The following RBFOX1 variants were observed in gnomAD, a reference collection of about 807,000 sequenced individuals.
RBFOX1 encodes RNA binding protein fox-1 homolog 1.
RBFOX1 carries 8 observed loss-of-function variants against 57.7 expected under a neutral mutation model. The observed-to-expected ratio is 0.14, with a 90% confidence interval of 0.08 to 0.25. RBFOX1 has a LOEUF of 0.25. Among genes scored for constraint, RBFOX1 ranks in the 10% least tolerant of loss-of-function variants. The pLI is 1.00. For synonymous variants in RBFOX1, 326 were observed against 222.4 expected (o/e 1.47, Z -4.15); for missense variants, 611 against 548.5 (o/e 1.11, Z -1.14).
chr16:7,277,808 A>T (rs536035564), intron 4 of RBFOX1, among the ~76,000 whole-genome samples: 1 of 152,348 alleles, frequency 6.6e-6, no homozygotes, highest in South Asian at 2.1e-4. Context: ...AAATGAAATT[A>T]GCATATTAGT....
At chr16:7,685,922 G>T (rs538143287) in intron 14 of RBFOX1, among the ~76,000 whole-genome samples, 22 of 152,182 alleles carry the variant, frequency 1.4e-4, no homozygotes, top group African/African-American at 5.1e-4. Context: ...ATTACAGATT[G>T]AGATTTACAC....
At chr16:5,691,045 G>A (rs1264771867) in intron 3 of RBFOX1, among the ~76,000 whole-genome samples, 1 of 152,150 alleles carries the variant, frequency 6.6e-6, no homozygotes, top group Non-Finnish European at 1.5e-5. Context: ...GTGACACAGA[G>A]ATGGAAATAA....
At chr16:5,498,608 G>A (rs572194805) in intron 2 of RBFOX1, among the ~76,000 whole-genome samples, 1 of 152,348 alleles carries the variant, frequency 6.6e-6, no homozygotes, top group Non-Finnish European at 1.5e-5. Context: ...GGCTGTGGCT[G>A]TTGTTTAGGC....
chr16:6,293,070 C>A (rs2077639951), intron 1 of RBFOX1, among the ~76,000 whole-genome samples: 1 of 152,078 alleles, frequency 6.6e-6, no homozygotes, highest in African/African-American at 2.4e-5. Context: ...TTATCTACTC[C>A]TCATAGCCAC....
chr16:6,805,871 C>A (rs1004708972), intron 3 of RBFOX1, among the ~76,000 whole-genome samples: 2 of 152,198 alleles, frequency 1.3e-5, no homozygotes, highest in African/African-American at 2.4e-5. Flanking sequence ...TTGGCTCTTT[C>A]CAACACGAAT....
At chr16:6,742,530 T>C (rs1047526913) in intron 3 of RBFOX1, among the ~76,000 whole-genome samples, 2 of 152,156 alleles carry the variant, frequency 1.3e-5, no homozygotes, top group African/African-American at 2.4e-5. Context: ...CAGAAAGCTA[T>C]ACACAATTAT....
At chr16:7,402,594 G>C (rs1208921245) in intron 4 of RBFOX1, among the ~76,000 whole-genome samples, 1 of 152,156 alleles carries the variant, frequency 6.6e-6, no homozygotes, top group African/African-American at 2.4e-5. Flanking sequence ...TTGGTTTCCA[G>C]ATCCTTATGC....
At chr16:5,683,429 G>T (rs2050406418) in intron 3 of RBFOX1, among the ~76,000 whole-genome samples, 1 of 151,934 alleles carries the variant, frequency 6.6e-6, no homozygotes, top group South Asian at 2.1e-4. Context: ...TGTCTCTGTG[G>T]GTGTCGCCAA....
rs150451424 is a variant in RBFOX1 at position 6,947,482 on chromosome 16, G to T, written c.-15-104575G>T. 6.7e-3 allele frequency among the ~76,000 whole-genome samples: 1,019 copies of T among 152,300 alleles called. 4 individuals carry two copies. The highest frequency in any genetic ancestry group is 0.011 in the Non-Finnish European group (725 of 68,038). ...GCTGAGAACATATGTTCTTGGGAAG[G>T]ATGTAGGAACACCCTGAAATAGAGC... On this transcript the variant is annotated intron_variant, in intron 3 of 15. Coordinates refer to ENST00000550418, the MANE Select transcript of RBFOX1 (RefSeq NM_018723.4).
At chr16:5,729,884 G>A (rs972991953) in intron 3 of RBFOX1, among the ~76,000 whole-genome samples, 2 of 152,162 alleles carry the variant, frequency 1.3e-5, no homozygotes, top group Non-Finnish European at 2.9e-5. Context: ...TCCTAGCCCC[G>A]AGAGCTGCAT....
chr16:7,661,709 A>G (rs1344097959), intron 12 of RBFOX1, among the ~76,000 whole-genome samples: 1 of 152,210 alleles, frequency 6.6e-6, no homozygotes, highest in African/African-American at 2.4e-5. Context: ...GCCTTCGCAT[A>G]GTAGTTGGGG....
At chr16:6,676,731 C>T (rs187174824) in intron 3 of RBFOX1, among the ~76,000 whole-genome samples, 2 of 143,220 alleles carry the variant, frequency 1.4e-5, no homozygotes, top group African/African-American at 5.2e-5. Context: ...GCTGGAGTGC[C>T]ATGGTGCGAT....
intron 3 of RBFOX1, among the ~76,000 whole-genome samples, chr16:6,966,386 C>G (rs2084163528): frequency 6.6e-6 from 1 of 152,086 alleles, no homozygotes; most frequent in South Asian, 2.1e-4. Flanking sequence ...CATGGCAGGA[C>G]AGCCAGGAGG....
intron 1 of RBFOX1, among the ~76,000 whole-genome samples, chr16:6,188,701 C>T (rs995414918): frequency 6.6e-6 from 1 of 152,134 alleles, no homozygotes; most frequent in African/African-American, 2.4e-5. Context: ...AATGAGACTA[C>T]ACTGAATGAA....
At chr16:7,630,190 G>A (rs950083599) in intron 10 of RBFOX1, among the ~76,000 whole-genome samples, 1 of 151,992 alleles carries the variant, frequency 6.6e-6, no homozygotes, top group Non-Finnish European at 1.5e-5. Flanking sequence ...TTTTCCAGAT[G>A]GAAACACTGA....
At chr16:5,793,575 C>T (rs563217231) in intron 3 of RBFOX1, among the ~76,000 whole-genome samples, 6 of 152,266 alleles carry the variant, frequency 3.9e-5, no homozygotes, top group Non-Finnish European at 7.4e-5. Flanking sequence ...CCTCTTCAGC[C>T]CCCAGGCCCC....
chr16:6,393,209 A>G (rs560349278), intron 2 of RBFOX1, among the ~76,000 whole-genome samples: 1 of 152,350 alleles, frequency 6.6e-6, no homozygotes, highest in African/African-American at 2.4e-5. Context: ...GAAATGTCAC[A>G]TTATTTCATT....
chr16:7,116,946 T>C (rs569094906), intron 4 of RBFOX1, among the ~76,000 whole-genome samples: 29 of 152,174 alleles, frequency 1.9e-4, no homozygotes, highest in African/African-American at 6.3e-4. Context: ...GATATAACCT[T>C]GAGAAGAATC....
intron 3 of RBFOX1, among the ~76,000 whole-genome samples, chr16:6,766,550 C>T (rs1387920658): frequency 1.3e-5 from 2 of 151,816 alleles, no homozygotes; most frequent in Admixed American, 1.3e-4. Context: ...CAATGACACC[C>T]ATGTTCTTTA....
Sources: gnomAD v4.1 joint callset for allele counts (sites outside exome capture counted in the v4.1 genomes callset) on GRCh38, gnomAD v4.1.1 for gene constraint, MANE v1.5 for transcripts, NCBI Gene and HGNC (gene_info 2026-07-23, HGNC 2026-07-21) for gene names.